Variants in DIP2B observed in about 807,000 individuals in gnomAD.
DIP2B encodes the protein disco-interacting protein 2 homolog B.
Under a neutral mutation model 198.0 loss-of-function variants are expected in DIP2B, and 76 were observed. The ratio of observed to expected loss-of-function variants is 0.38; its 90% confidence interval spans 0.32 to 0.46. The LOEUF (loss-of-function observed/expected upper bound fraction) is 0.46, where lower values mean the gene tolerates loss of function less well. Among genes scored for constraint, DIP2B ranks in the 20% least tolerant of loss-of-function variants. The pLI is 0.99. For synonymous variants in DIP2B, 701 were observed against 739.1 expected (o/e 0.95, Z 0.84); for missense variants, 1,559 against 1,978.4 (o/e 0.79, Z 4.02).
chr12:50,586,686 C>T (rs1234561617), intron 1 of DIP2B, among the ~76,000 whole-genome samples: 1 of 152,148 alleles, frequency 6.6e-6, no homozygotes, highest in Non-Finnish European at 1.5e-5. Flanking sequence ...GATTCTCCTG[C>T]CTCAGCCTCC....
chr12:50,721,531 C>G (rs1421197424), intron 26 of DIP2B, 135 bp downstream of exon 26: 1 of 1,352,182 alleles, frequency 7.4e-7, no homozygotes, highest in African/African-American at 1.5e-5. Flanking sequence ...AGACCATGCA[C>G]ACAGGCCAAA....
intron 1 of DIP2B, among the ~76,000 whole-genome samples, chr12:50,588,742 A>G (rs756302472): frequency 6.6e-6 from 1 of 152,148 alleles, no homozygotes; most frequent in Non-Finnish European, 1.5e-5. Flanking sequence ...TTTGTGCCAA[A>G]CTTTCTGTAG....
rs1406502754 is a variant in DIP2B at position 50,708,497 on chromosome 12, G to C, written c.2584G>C (p.Val862Leu). Residue 862 changes from valine to leucine, a missense_variant, in exon 22 of 38, where the codon GTT (valine) becomes CTT (leucine). Physicochemically the swap from Val to Leu is conservative, Grantham distance 32. Coordinates refer to ENST00000301180, the MANE Select transcript of DIP2B (RefSeq NM_173602.3). ...ATTTTATGATGAGCGCATTGTGGTGGTTGCGGAACAAAGACCTGATGCTTC... is the reference window on the plus strand; with the variant it reads ...ATTTTATGATGAGCGCATTGTGGTGCTTGCGGAACAAAGACCTGATGCTTC... Reference protein sequence around the residue: ...SVFYDERIVVVAEQRPDASEE... With the variant: ...SVFYDERIVVLAEQRPDASEE... The C allele has an allele frequency of 1.9e-6, 3 of 1,608,718 alleles. No individual in the cohort carries two copies. The Admixed American group carries it at 5.1e-5, about 27-fold the overall frequency.
chr12:50,719,076 A>C (rs773915506), intron 25 of DIP2B, 41 bp downstream of exon 25: 16 of 1,596,806 alleles, frequency 1.0e-5, no homozygotes, highest in Admixed American at 1.7e-5. Flanking sequence ...GCTGACTACT[A>C]TAGGACCATC....
intron 1 of DIP2B, among the ~76,000 whole-genome samples, chr12:50,568,738 G>A (rs1244520687): frequency 6.6e-6 from 1 of 152,164 alleles, no homozygotes; most frequent in Non-Finnish European, 1.5e-5. Context: ...TGTAATCTGG[G>A]AAGGAGAGAG....
At chr12:50,665,061 C>T (rs1938726754) in intron 4 of DIP2B, among the ~76,000 whole-genome samples, 1 of 151,810 alleles carries the variant, frequency 6.6e-6, no homozygotes, top group Non-Finnish European at 1.5e-5. Context: ...CACTGTGTTG[C>T]TCAAGCTGGC....
rs922351722 is a variant in DIP2B at position 50,728,574 on chromosome 12, G to A, written c.3537G>A (p.Leu1179=). The change falls in exon 30 of 38, where the codon CTG becomes CTA. Residue 1179 remains leucine (L), a synonymous_variant. Transcript: ENST00000301180. ...TGTCCCACTCTGCAGTGAACGCTCT[G>A]TGTCGAGCCATCAAGCTCCAGTGTG... is the stretch of plus-strand genomic sequence containing the variant. The part of the protein sequence containing the change: ...VKMSHSAVNA[L]CRAIKLQCEL... 5 of 1,614,010 alleles carry A rather than the reference G, an allele frequency of 3.1e-6. No homozygotes were observed. The highest frequency in any genetic ancestry group is 4.2e-6 in the Non-Finnish European group (5 of 1,180,028).
intron 1 of DIP2B, among the ~76,000 whole-genome samples, chr12:50,548,094 G>C (rs919667426): frequency 2.0e-5 from 3 of 152,000 alleles, no homozygotes; most frequent in Admixed American, 1.3e-4. Flanking sequence ...TAAATAAAAT[G>C]TGTATATATT....
intron 12 of DIP2B, among the ~76,000 whole-genome samples, chr12:50,688,119 G>C (rs1204595610): frequency 6.6e-6 from 1 of 151,928 alleles, no homozygotes; most frequent in Admixed American, 6.6e-5. Context: ...GGTTGAGGCG[G>C]GAGGATCACT....
Position 50,718,972 on chromosome 12 carries a change from G to T in DIP2B, c.2979G>T (p.Glu993Asp). 1.2e-6 allele frequency: 2 copies of T among 1,614,180 alleles called. No individual in the cohort carries two copies. The highest frequency in any genetic ancestry group is 1.7e-6 in the Non-Finnish European group (2 of 1,180,024). The change falls in exon 25 of 38, where the codon GAG becomes GAT. Residue 993 changes from glutamate to aspartate, a missense_variant. Transcript: ENST00000301180. The stretch of plus-strand genomic sequence containing the variant: ...GACTTCAGCACCAGTTTCTGGCAGA[G>T]ATCCTACAGTGGCGAGCCCAGGCGA... Reference protein sequence around the residue: ...DLVRKHQFLAEILQWRAQATP... With the variant: ...DLVRKHQFLADILQWRAQATP...
At chr12:50,643,690 G>C (rs1938300855) in intron 3 of DIP2B, among the ~76,000 whole-genome samples, 3 of 152,084 alleles carry the variant, frequency 2.0e-5, no homozygotes, top group Admixed American at 6.6e-5. Flanking sequence ...GAGTCTCTGA[G>C]AATTCTGGCT....
chr12:50,545,414 C>T (rs1958368238), intron 1 of DIP2B, among the ~76,000 whole-genome samples: 1 of 137,350 alleles, frequency 7.3e-6, no homozygotes, highest in Non-Finnish European at 1.6e-5. Flanking sequence ...TCCGTTCTGT[C>T]ACCCAGCCTA....
At chr12:50,659,181 T>G (rs149264633) in intron 3 of DIP2B, among the ~76,000 whole-genome samples, 11 of 152,306 alleles carry the variant, frequency 7.2e-5, no homozygotes, top group African/African-American at 2.4e-4. Flanking sequence ...AAAGGAGAGA[T>G]AACTCTGGGA....
chr12:50,505,744 G>A (rs1957963061), intron 1 of DIP2B, among the ~76,000 whole-genome samples: 1 of 152,136 alleles, frequency 6.6e-6, no homozygotes. Context: ...TGCCTCCCCA[G>A]TGACAGGAGT....
At chr12:50,551,284 C>G (rs757488700) in intron 1 of DIP2B, among the ~76,000 whole-genome samples, 2 of 152,034 alleles carry the variant, frequency 1.3e-5, no homozygotes, top group East Asian at 3.9e-4. Flanking sequence ...ATTAGCCAGG[C>G]ATAGTGGCAC....
At chr12:50,718,151 C>A (rs559130915) in intron 23 of DIP2B, among the ~76,000 whole-genome samples, 1 of 149,772 alleles carries the variant, frequency 6.7e-6, no homozygotes, top group African/African-American at 2.5e-5. Flanking sequence ...TCCCGCCTCG[C>A]CCTCCCAAAG....
At chr12:50,725,024 G>A (rs1477391017) in intron 28 of DIP2B, 138 bp downstream of exon 28, 2 of 796,398 alleles carry the variant, frequency 2.5e-6, no homozygotes, top group East Asian at 5.4e-5. Context: ...CCTAGGATCA[G>A]TAAGCTTGTG....
intron 30 of DIP2B, among the ~76,000 whole-genome samples, chr12:50,730,561 T>G (rs1000031165): frequency 5.9e-5 from 9 of 151,980 alleles, no homozygotes; most frequent in African/African-American, 1.5e-4. Flanking sequence ...TAAAAAAATT[T>G]TTTTTGTAGA....
intron 2 of DIP2B, among the ~76,000 whole-genome samples, chr12:50,632,648 T>A (rs1938081802): frequency 6.6e-6 from 1 of 151,612 alleles, no homozygotes; most frequent in Non-Finnish European, 1.5e-5. Context: ...GTGATTCTCC[T>A]GCCTCAGCCT....
Sources: allele counts gnomAD v4.1 joint callset (sites outside exome capture counted in the v4.1 genomes callset), GRCh38; gene constraint gnomAD v4.1.1; transcripts MANE v1.5; gene names NCBI Gene and HGNC (gene_info 2026-07-23, HGNC 2026-07-21).